The following EYS variants were observed in gnomAD, a reference collection of about 807,000 sequenced individuals.
EYS encodes the protein EGF-like photoreceptor maintenance factor, also known as protein eyes shut homolog.
A neutral mutation model predicts 282.1 loss-of-function variants in EYS; 250 were observed. The observed-to-expected ratio is 0.89, with a 90% CI of 0.80 to 0.98. The LOEUF (loss-of-function observed/expected upper bound fraction) is 0.98, where lower values mean the gene tolerates loss of function less well. EYS is among the 50% of genes least tolerant of loss of function. The pLI is 0.00. For missense variants in EYS, 4,016 were observed against 3,709.0 expected (o/e 1.08, Z -2.15); for synonymous variants, 1,355 against 1,282.9 (o/e 1.06, Z -1.20).
intron 31 of EYS, among the ~76,000 whole-genome samples, chr6:64,106,716 C>T (rs895965059): frequency 3.3e-5 from 5 of 151,584 alleles, no homozygotes; most frequent in Admixed American, 2.0e-4. Flanking sequence ...GTTTGATGTC[C>T]GACATGAATT....
In EYS at chr6:63,789,074, T is replaced by G. The variant is rs1314822159; in HGVS notation, c.7562A>C (p.Gln2521Pro). ...ACTCTTTACCTTCAGCCAGCCCTCT[T>G]GGAAGAACTTGCCCAGATGAACAGT... Reference protein sequence around the residue: ...VHTVHLGKFFQEGWLKVDDHK... With the variant: ...VHTVHLGKFFPEGWLKVDDHK... The change falls in exon 38 of 43, where the codon CAA becomes CCA. Residue 2521 changes from glutamine (Q) to proline (P), a missense_variant. By Grantham distance (76) the Gln-to-Pro change is moderately conservative (BLOSUM62 -1). Coordinates refer to ENST00000503581, the MANE Select transcript of EYS (RefSeq NM_001142800.2). The G allele has an allele frequency of 1.3e-6, 2 of 1,551,504 alleles. No individual in the cohort carries two copies. The highest frequency in any genetic ancestry group is 1.7e-6 in the Non-Finnish European group (2 of 1,146,864).
chr6:65,477,356 G>C (rs756639029), intron 5 of EYS, among the ~76,000 whole-genome samples: 1 of 152,188 alleles, frequency 6.6e-6, no homozygotes, highest in Middle Eastern at 3.4e-3. Flanking sequence ...GTTGAACAAA[G>C]AATGAAAATA....
chr6:65,310,131 G>A (rs1194507250), intron 11 of EYS, among the ~76,000 whole-genome samples: 1 of 152,084 alleles, frequency 6.6e-6, no homozygotes, highest in Non-Finnish European at 1.5e-5. Context: ...ATCACTTGAG[G>A]TCAGGAGTTC....
At chr6:64,212,256 CAAAT>C (rs1432500313) in intron 31 of EYS, among the ~76,000 whole-genome samples, 3 of 151,732 alleles carry the variant, frequency 2.0e-5, no homozygotes, top group African/African-American at 7.3e-5. Context: ...TAGGACTACT[CAAAT>C]AATTTACCGA....
intron 8 of EYS, among the ~76,000 whole-genome samples, chr6:65,373,918 A>G (rs1262024230): frequency 6.6e-6 from 1 of 152,216 alleles, no homozygotes; most frequent in Non-Finnish European, 1.5e-5. Flanking sequence ...ATTACAAGTC[A>G]TATTTTCCCT....
At chr6:65,080,164 A>C (rs1472729573) in intron 12 of EYS, among the ~76,000 whole-genome samples, 1 of 152,082 alleles carries the variant, frequency 6.6e-6, no homozygotes, top group Admixed American at 6.6e-5. Context: ...ACATCACTAC[A>C]TTCATCATTC....
intron 31 of EYS, among the ~76,000 whole-genome samples, chr6:64,194,708 A>G (rs982374086): frequency 2.0e-5 from 3 of 152,262 alleles, no homozygotes; most frequent in African/African-American, 4.8e-5. Context: ...CGTATATTCT[A>G]TGGTGGTTGG....
chr6:65,330,215 C>A, intron 11 of EYS: 7 of 963,862 alleles, frequency 7.3e-6, no homozygotes, highest in Non-Finnish European at 8.6e-6. Flanking sequence ...GGTATCATGT[C>A]TCATTGTCAT....
chr6:65,312,517 T>C (rs933116049), intron 11 of EYS, among the ~76,000 whole-genome samples: 33 of 152,152 alleles, frequency 2.2e-4, no homozygotes, highest in Admixed American at 2.0e-3. Context: ...ATAAGTGCCA[T>C]GAAAACCTGC....
intron 1 of EYS, among the ~76,000 whole-genome samples, chr6:65,664,590 T>G (rs1026256308): frequency 6.6e-6 from 1 of 152,132 alleles, no homozygotes; most frequent in Non-Finnish European, 1.5e-5. Flanking sequence ...TTAGTATATA[T>G]GAGAAAGTTG....
At chr6:65,375,025 A>G (rs1765307358) in intron 8 of EYS, among the ~76,000 whole-genome samples, 1 of 152,172 alleles carries the variant, frequency 6.6e-6, no homozygotes, top group African/African-American at 2.4e-5. Context: ...ACAGCGCTCC[A>G]GCTCTGCTAA....
At chr6:65,481,908 G>A (rs555191174) in intron 5 of EYS, among the ~76,000 whole-genome samples, 5 of 151,952 alleles carry the variant, frequency 3.3e-5, no homozygotes, top group Non-Finnish European at 7.4e-5. Flanking sequence ...GAGAACACTT[G>A]GAAATAATGT....
At chr6:65,345,197 T>G (rs1246974095) in intron 9 of EYS, among the ~76,000 whole-genome samples, 3 of 151,746 alleles carry the variant, frequency 2.0e-5, no homozygotes, top group Non-Finnish European at 1.5e-5. Context: ...TTCAATCATA[T>G]GTATGTAATT....
chr6:64,007,640 C>A (rs115548591), intron 33 of EYS, among the ~76,000 whole-genome samples: 1 of 152,100 alleles, frequency 6.6e-6, no homozygotes, highest in Non-Finnish European at 1.5e-5. Context: ...ATAACTTTCC[C>A]TCTTATCACT....
chr6:65,680,575 T>C (rs891896406), intron 1 of EYS, among the ~76,000 whole-genome samples: 7 of 152,002 alleles, frequency 4.6e-5, no homozygotes, highest in African/African-American at 1.7e-4. Context: ...ATGGCTAAAC[T>C]AATATCTTGA....
chr6:65,660,853 T>A (rs950252803), intron 1 of EYS, among the ~76,000 whole-genome samples: 2 of 151,874 alleles, frequency 1.3e-5, no homozygotes, highest in African/African-American at 4.8e-5. Context: ...GGACTCATAG[T>A]GTCCTTCTTT....
chr6:64,019,839 T>A (rs1473116392), intron 33 of EYS, among the ~76,000 whole-genome samples: 1 of 126,448 alleles, frequency 7.9e-6, no homozygotes, highest in African/African-American at 3.5e-5. Context: ...TATATATATA[T>A]GTATATATAA....
chr6:65,623,598 C>T (rs73742026), intron 2 of EYS, among the ~76,000 whole-genome samples: 9,912 of 151,936 alleles, frequency 0.065, 1,014 homozygotes, highest in African/African-American at 0.22. Context: ...TCAGTAAAAA[C>T]TTTTTGAAAA....
chr6:65,698,529 A>G (rs1400154961), intron 1 of EYS, among the ~76,000 whole-genome samples: 2 of 152,194 alleles, frequency 1.3e-5, no homozygotes, highest in African/African-American at 4.8e-5. Flanking sequence ...TGCTAAAAAA[A>G]TGAAGAATGC....
Sources: allele counts gnomAD v4.1 joint callset (sites outside exome capture counted in the v4.1 genomes callset), GRCh38; gene constraint gnomAD v4.1.1; transcripts MANE v1.5; gene names NCBI Gene and HGNC (gene_info 2026-07-23, HGNC 2026-07-21).